The following CFAP210 variants were observed in gnomAD, a reference collection of about 807,000 sequenced individuals.
The protein encoded by CFAP210 is cilia- and flagella- associated protein 210.
chr2:169,675,313 A>T, the CFAP210 span, among the ~76,000 whole-genome samples: 26 of 152,358 alleles, frequency 1.7e-4, no homozygotes, highest in Middle Eastern at 3.4e-3. Flanking sequence ...CTATAAAGAA[A>T]TACCAGAGAC....
chr2:169,661,062 C>A, the CFAP210 span: 1 of 529,014 alleles, frequency 1.9e-6, no homozygotes, highest in Non-Finnish European at 3.8e-6. Context: ...GCACTAGATG[C>A]TGGGTGGGAG....
the CFAP210 span, among the ~76,000 whole-genome samples, chr2:169,652,856 C>T: frequency 1.9e-4 from 28 of 148,446 alleles, no homozygotes; most frequent in Middle Eastern, 3.5e-3. Flanking sequence ...AAAAACTAGC[C>T]GGGCCTGGTG....
chr2:169,665,116 A>C, the CFAP210 span, among the ~76,000 whole-genome samples: 1 of 152,140 alleles, frequency 6.6e-6, no homozygotes, highest in Non-Finnish European at 1.5e-5. Context: ...GATTTAAATT[A>C]AGCACTTGTG....
chr2:169,657,007 GAGA>G, the CFAP210 span, among the ~76,000 whole-genome samples: 26 of 89,394 alleles, frequency 2.9e-4, no homozygotes, highest in African/African-American at 1.2e-3. Flanking sequence ...AAAAAAAAAA[GAGA>G]AGAAGGTGTC....
At chr2:169,645,987 G>A in the CFAP210 span, 7 of 1,613,834 alleles carry the variant, frequency 4.3e-6, no homozygotes, top group African/African-American at 1.3e-5. Flanking sequence ...ACTGGTCCAC[G>A]GCCACCTCCA....
chr2:169,673,314 G>A, the CFAP210 span, among the ~76,000 whole-genome samples: 1 of 152,190 alleles, frequency 6.6e-6, no homozygotes, highest in Non-Finnish European at 1.5e-5. Flanking sequence ...CTGGAAATCT[G>A]ACTGCCACCT....
At chr2:169,668,499 A>G in the CFAP210 span, among the ~76,000 whole-genome samples, 3 of 152,326 alleles carry the variant, frequency 2.0e-5, no homozygotes, top group East Asian at 3.9e-4. Flanking sequence ...CTTTCAGCCT[A>G]TTTTGGCTTT....
chr2:169,652,367 T>C, the CFAP210 span, among the ~76,000 whole-genome samples: 12 of 152,188 alleles, frequency 7.9e-5, 1 homozygote, highest in Admixed American at 7.2e-4. Flanking sequence ...AAAAATAGTA[T>C]TTTAAACAGT....
At chr2:169,656,520 G>T in the CFAP210 span, among the ~76,000 whole-genome samples, 1 of 151,236 alleles carries the variant, frequency 6.6e-6, no homozygotes, top group African/African-American at 2.4e-5. Flanking sequence ...AGGAGGAGGA[G>T]GAGAAGGAGA....
At chr2:169,649,714 G>A in the CFAP210 span, among the ~76,000 whole-genome samples, 6 of 151,848 alleles carry the variant, frequency 4.0e-5, no homozygotes, top group Non-Finnish European at 5.9e-5. Flanking sequence ...GGATCACCTC[G>A]GGAGGTCAGG....
At chr2:169,687,509 A>G in the CFAP210 span, among the ~76,000 whole-genome samples, 1 of 124,824 alleles carries the variant, frequency 8.0e-6, no homozygotes. Context: ...TCCAAAATCC[A>G]GCAGGAATCA....
chr2:169,647,209 C>T, the CFAP210 span, among the ~76,000 whole-genome samples: 2 of 151,590 alleles, frequency 1.3e-5, no homozygotes, highest in East Asian at 3.9e-4. Context: ...AAGCTAAAAT[C>T]GATCTCTAAT....
chr2:169,666,248 C>A, the CFAP210 span, among the ~76,000 whole-genome samples: 2 of 151,864 alleles, frequency 1.3e-5, no homozygotes, highest in Non-Finnish European at 2.9e-5. Context: ...AATCCTTAGA[C>A]CTCTCATTCA....
chr2:169,670,983 C>T, the CFAP210 span, among the ~76,000 whole-genome samples: 15 of 152,086 alleles, frequency 9.9e-5, no homozygotes, highest in African/African-American at 3.6e-4. Context: ...ATAGGGCATG[C>T]AAAAAGAGAC....
chr2:169,676,236 C>T, the CFAP210 span, among the ~76,000 whole-genome samples: 3 of 151,968 alleles, frequency 2.0e-5, no homozygotes, highest in African/African-American at 4.8e-5. Context: ...TTGTCATTCT[C>T]CGTGTCTATA....
the CFAP210 span, among the ~76,000 whole-genome samples, chr2:169,651,703 T>C: frequency 6.6e-6 from 1 of 151,936 alleles, no homozygotes; most frequent in African/African-American, 2.4e-5. Context: ...TACTCTATCA[T>C]TGGAGGCTGA....
At chr2:169,657,198 A>C in the CFAP210 span, among the ~76,000 whole-genome samples, 1 of 152,124 alleles carries the variant, frequency 6.6e-6, no homozygotes, top group Non-Finnish European at 1.5e-5. Flanking sequence ...TATCAGAGGG[A>C]TTCTAGAACA....
At chr2:169,663,312 G>A in the CFAP210 span, among the ~76,000 whole-genome samples, 3 of 150,928 alleles carry the variant, frequency 2.0e-5, no homozygotes, top group Non-Finnish European at 4.4e-5. Context: ...CATAGGGCAG[G>A]TCGACAACCC....
the CFAP210 span, among the ~76,000 whole-genome samples, chr2:169,656,514 G>A: frequency 6.6e-6 from 1 of 151,886 alleles, no homozygotes; most frequent in Admixed American, 6.6e-5. Flanking sequence ...AGGAGGAGGA[G>A]GAGGAGGAGA....
Sources: allele counts gnomAD v4.1 joint callset (sites outside exome capture counted in the v4.1 genomes callset), GRCh38; gene constraint gnomAD v4.1.1; transcripts MANE v1.5; gene names NCBI Gene and HGNC (gene_info 2026-07-23, HGNC 2026-07-21).